Variants in ZNF594 observed in about 807,000 individuals in gnomAD.
ZNF594 encodes zinc finger protein 594.
For missense variants in ZNF594, 1,037 were observed against 964.6 expected (o/e 1.08, Z -0.99); for synonymous variants, 336 against 309.4 (o/e 1.09, Z -0.90).
intron 1 of ZNF594, among the ~76,000 whole-genome samples, chr17:5,191,163 G>T (rs368040362): frequency 6.6e-6 from 1 of 152,006 alleles, no homozygotes; most frequent in Non-Finnish European, 1.5e-5. Context: ...CGGCTAATAA[G>T]GACTCTTTAA....
rs571651112 is a variant in ZNF594, at chr17:5,186,118, T to C, written c.-20-1842A>G. 2.6e-5 allele frequency among the ~76,000 whole-genome samples: 4 copies of C among 152,310 alleles called. No homozygotes were observed. In the East Asian group the frequency reaches 7.7e-4, roughly 29 times the overall value. On this transcript the variant is annotated intron_variant, in intron 1 of 1. Coordinates refer to ENST00000575779, the MANE Select transcript of ZNF594 (RefSeq NM_032530.2). ...CGAGTAGGGACTCCATATGGTGGCT[T>C]CGACCCCACATTTCCCTTCTGCAGT...
chr17:5,190,892 C>T (rs572072493), intron 1 of ZNF594, among the ~76,000 whole-genome samples: 1 of 152,242 alleles, frequency 6.6e-6, no homozygotes, highest in African/African-American at 2.4e-5. Context: ...CCAGCAGCTC[C>T]TGGGGACGCG....
chr17:5,184,183 TG>T lies in ZNF594; in HGVS notation c.73del (p.Gln25LysfsTer10), dbSNP rs768188806. The T allele has an allele frequency of 6.2e-7, 1 of 1,614,186 alleles. No individual in the cohort carries two copies. The highest frequency in any genetic ancestry group is 1.1e-5 in the South Asian group (1 of 91,064). Reference sequence around the variant, plus strand: ...CTCACATTCCTGGGTGATTTGTCTTTGGAGTTTTTCGGATGCAGCCCTTGCT... The same window carrying T: ...CTCACATTCCTGGGTGATTTGTCTTTGAGTTTTTCGGATGCAGCCCTTGCT... ...KSARAASEKL[Q>X]RQITQECELV... On this transcript the variant is annotated frameshift_variant, in exon 2 of 2. Coordinates refer to ENST00000575779, the MANE Select transcript of ZNF594 (RefSeq NM_032530.2). LOFTEE classifies it low-confidence loss of function (END_TRUNC).
chr17:5,177,088 C>G (rs190587305), downstream of ZNF594, among the ~76,000 whole-genome samples: 1 of 151,340 alleles, frequency 6.6e-6, no homozygotes, highest in Non-Finnish European at 1.5e-5. Flanking sequence ...CCCAGCTACT[C>G]GGCAGGCTGA....
chr17:5,191,639 C>G (rs2074425502), intron 1 of ZNF594, 109 bp downstream of exon 1: 1 of 152,506 alleles, frequency 6.6e-6, no homozygotes, highest in South Asian at 2.1e-4. Context: ...CATCCTCCTG[C>G]GGTCCCCCAG....
chr17:5,184,358 G>A (rs993550465), intron 1 of ZNF594, 82 bp from the exon 2 acceptor site: 2 of 1,341,608 alleles, frequency 1.5e-6, no homozygotes, highest in Non-Finnish European at 2.0e-6. Context: ...TAAGAGGGAG[G>A]AACAAAGAAC....
chr17:5,182,952 G>A lies in ZNF594; in HGVS notation c.1305C>T (p.Ser435=). 1 of 1,613,952 alleles carries A rather than the reference G, an allele frequency of 6.2e-7. No homozygotes were observed. Among genetic ancestry groups the A allele is most frequent in the Non-Finnish European group, 8.5e-7 (1 of 1,180,000 alleles). Reference sequence around the variant, plus strand: ...TGCCCCTAAAAGATTTCCCACATTTGCTACATACACAAGGTTTTTCTCCAC... The same window carrying A: ...TGCCCCTAAAAGATTTCCCACATTTACTACATACACAAGGTTTTTCTCCAC... ...IHSGEKPCVC[S]KCGKSFRGSS... Residue 435 remains serine, a synonymous_variant, in exon 2 of 2, where the codon AGC becomes AGT. Coordinates refer to ENST00000575779, the MANE Select transcript of ZNF594 (RefSeq NM_032530.2).
rs1567824884 is a variant in ZNF594, at chr17:5,182,186, GC to G, written c.2070del (p.Arg690SerfsTer92). ...YQCSECGNAF[R>X]RRSLLIQHRR... is the part of the protein sequence containing the mutation. ...CGATGTTGAATAAGGAGGGAACGCC[GC>G]CTGAAGGCATTCCCACATTCACTGC... On this transcript the variant is annotated frameshift_variant, in exon 2 of 2. Transcript: ENST00000575779. LOFTEE classifies it low-confidence loss of function (END_TRUNC). The G allele has an allele frequency of 1.2e-6, 2 of 1,613,308 alleles. No individual in the cohort carries two copies. Among genetic ancestry groups the G allele is most frequent in the East Asian group, 4.5e-5 (2 of 44,844 alleles).
Position 5,182,155 on chromosome 17 carries a change from A to G in ZNF594, c.2102T>C (p.Leu701Pro), listed in dbSNP as rs781015608. The G allele has an allele frequency of 3.1e-6, 5 of 1,613,432 alleles. No homozygotes were observed. Among genetic ancestry groups the G allele is most frequent in the Non-Finnish European group, 4.2e-6 (5 of 1,179,986 alleles). ...RRSLLIQHRRLHSGEKPYECK... is the reference protein window; with the variant it reads ...RRSLLIQHRRPHSGEKPYECK... ...TTCATAGGGTTTCTCACCACTATGA[A>G]GTCTCCGATGTTGAATAAGGAGGGA... is the stretch of plus-strand genomic sequence containing the variant. Residue 701 changes from leucine to proline, a missense_variant, in exon 2 of 2, where the codon CTT becomes CCT. By Grantham distance (98) the Leu-to-Pro change is moderately conservative. Coordinates refer to ENST00000575779, the MANE Select transcript of ZNF594 (RefSeq NM_032530.2).
chr17:5,181,020 GCTGTCCACCCA>G lies in ZNF594; in HGVS notation c.*802_*812del, dbSNP rs1335393078. 4 of 868,778 alleles carry G rather than the reference GCTGTCCACCCA, an allele frequency of 4.6e-6. No homozygotes were observed. The African/African-American group carries it at 6.6e-5, about 14-fold the overall frequency. 53.8% of individuals were successfully genotyped at this position (868,778 alleles called of 1,614,324 possible). On this transcript the variant is annotated 3_prime_UTR_variant, in exon 2 of 2. Coordinates refer to ENST00000575779, the MANE Select transcript of ZNF594 (RefSeq NM_032530.2). ...GTGAAGTTTCTGGTGCTTAAGAAAA[GCTGTCCACCCA>G]CTGAAGGCCTTACCACAGTTGCTAC...
Position 5,182,039 on chromosome 17 carries a change from TC to T in ZNF594, c.2217del (p.Thr741ProfsTer41), listed in dbSNP as rs2074345882. ...AGCTCCTCATCCTTGCTGAAGGTTT[TC>T]TCACATTCTTCAAGTTTCTCTCCAG... ...LHAGEKLEEC[E>X]KTFSKDEELR... On this transcript the variant is annotated frameshift_variant, in exon 2 of 2. Transcript: ENST00000575779. LOFTEE classifies it low-confidence loss of function (END_TRUNC). 1 of 1,613,634 alleles carries T rather than the reference TC, an allele frequency of 6.2e-7. No individual in the cohort carries two copies. The highest frequency in any genetic ancestry group is 8.5e-7 in the Non-Finnish European group (1 of 1,180,032).
chr17:5,183,412 A>G lies in ZNF594; in HGVS notation c.845T>C (p.Leu282Pro), dbSNP rs1406553874. Residue 282 changes from leucine to proline, a missense_variant, in exon 2 of 2, where the codon CTT becomes CCT. Leu to Pro is a moderately conservative substitution (Grantham distance 98). Coordinates refer to ENST00000575779, the MANE Select transcript of ZNF594 (RefSeq NM_032530.2). The part of the protein sequence containing the change: ...CGQMFSQSSH[L>P]VPHQRIHTGE... ...AGTGTGAATTCTCTGATGTGGGACAAGGTGTGAACTTTGACTGAACATCTG... is the reference window on the plus strand; with the variant it reads ...AGTGTGAATTCTCTGATGTGGGACAGGGTGTGAACTTTGACTGAACATCTG... The G allele has an allele frequency of 1.2e-6, 2 of 1,613,830 alleles. No homozygotes were observed. The highest frequency in any genetic ancestry group is 8.5e-7 in the Non-Finnish European group (1 of 1,180,026).
downstream of ZNF594, among the ~76,000 whole-genome samples, chr17:5,175,341 C>T (rs2074299512): frequency 6.6e-6 from 1 of 152,178 alleles, no homozygotes; most frequent in Admixed American, 6.5e-5. Context: ...TTGTGAACTG[C>T]GCATGCTAGC....
chr17:5,181,431 C>A lies in ZNF594; in HGVS notation c.*402G>T. The A allele has an allele frequency of 1.2e-6, 2 of 1,613,686 alleles. No individual in the cohort carries two copies. The highest frequency in any genetic ancestry group is 2.2e-5 in the South Asian group (2 of 91,062). On this transcript the variant is annotated 3_prime_UTR_variant, in exon 2 of 2. Coordinates refer to ENST00000575779, the MANE Select transcript of ZNF594 (RefSeq NM_032530.2). ...CTCTTCTTGGTGAATTTTCTGCTCTCCCCTAAGCTCCTCATCCTTGCTGAA... is the reference window on the plus strand; with the variant it reads ...CTCTTCTTGGTGAATTTTCTGCTCTACCCTAAGCTCCTCATCCTTGCTGAA...
At chr17:5,186,121 AC>A (rs1405894918) in intron 1 of ZNF594, among the ~76,000 whole-genome samples, 1 of 151,774 alleles carries the variant, frequency 6.6e-6, no homozygotes, top group African/African-American at 2.4e-5. Flanking sequence ...GGTGGCTTCG[AC>A]CCCACATTTC....
intron 1 of ZNF594, among the ~76,000 whole-genome samples, chr17:5,186,550 GCTT>G (rs765843390): frequency 2.0e-5 from 3 of 152,234 alleles, no homozygotes; most frequent in Non-Finnish European, 2.9e-5. Flanking sequence ...TTAACATTCA[GCTT>G]CTTGTTACTT....
rs147171402 is a variant in ZNF594, at chr17:5,183,253, C to T, written c.1004G>A (p.Arg335His). 1,035 of 1,614,148 alleles carry T rather than the reference C, an allele frequency of 6.4e-4. 2 individuals carry two copies. Among genetic ancestry groups the T allele is most frequent in the Admixed American group, 2.0e-3 (119 of 60,028 alleles). ...CHRCGKTFSG[R>H]TAFLKHQRLH... ...TCTCTGATGTTTAAGAAAAGCTGTG[C>T]GCCCACTGAAGGTCTTCCCACATCT... Residue 335 changes from arginine (R) to histidine (H), a missense_variant, in exon 2 of 2, where the codon CGC (arginine) becomes CAC (histidine). By Grantham distance (29) the Arg-to-His change is conservative (BLOSUM62 0). Transcript: ENST00000575779.
Position 5,184,038 on chromosome 17 carries a change from G to C in ZNF594, c.219C>G (p.Pro73=), listed in dbSNP as rs376785135. The C allele has an allele frequency of 3.1e-6, 5 of 1,614,024 alleles. No homozygotes were observed. Among genetic ancestry groups the C allele is most frequent in the Admixed American group, 1.7e-5 (1 of 59,990 alleles). Residue 73 remains proline (P), a synonymous_variant, in exon 2 of 2, where the codon CCC becomes CCG. Coordinates refer to ENST00000575779, the MANE Select transcript of ZNF594 (RefSeq NM_032530.2). ...CAATCTCTCCCACAATGGCTTTCTGGGGGATAATATGCATTTCCCTGATAC... is the reference window on the plus strand; with the variant it reads ...CAATCTCTCCCACAATGGCTTTCTGCGGGATAATATGCATTTCCCTGATAC... ...ESGIREMHII[P]QKAIVGEIGH... is the part of the protein sequence containing the mutation.
chr17:5,188,465 A>G (rs1045077178), intron 1 of ZNF594, among the ~76,000 whole-genome samples: 1 of 152,122 alleles, frequency 6.6e-6, no homozygotes, highest in Non-Finnish European at 1.5e-5. Flanking sequence ...TTTAATAAAG[A>G]GCCTGCTTCA....
Sources: allele counts gnomAD v4.1 joint callset (sites outside exome capture counted in the v4.1 genomes callset), GRCh38; gene constraint gnomAD v4.1.1; transcripts MANE v1.5; gene names NCBI Gene and HGNC (gene_info 2026-07-23, HGNC 2026-07-21).